Variants in TAFAZZIN observed in about 807,000 individuals in gnomAD.
The protein encoded by TAFAZZIN is tafazzin, phospholipid-lysophospholipid transacylase.
TAFAZZIN carries 6 observed loss-of-function variants against 27.3 expected under a neutral mutation model. The ratio of observed to expected loss-of-function variants is 0.22; its 90% CI spans 0.12 to 0.43. TAFAZZIN has a LOEUF of 0.43. Ranked by LOEUF, TAFAZZIN falls within the 20% of genes least tolerant of loss-of-function variation. The pLI is 1.00. For synonymous variants in TAFAZZIN, 79 were observed against 96.2 expected (o/e 0.82, Z 1.04); for missense variants, 127 against 244.5 (o/e 0.52, Z 3.21).
intron 3 of TAFAZZIN, 34 bp downstream of exon 3, chrX:154,413,286 G>C: frequency 8.3e-7 from 1 of 1,208,497 alleles, no homozygotes; most frequent in Non-Finnish European, 1.1e-6. Flanking sequence ...AGTGGGCCGG[G>C]CCGGCCCCAC....
Position 154,420,700 on chromosome X carries a change from G to A in TAFAZZIN, c.742G>A (p.Val248Ile), listed in dbSNP as rs1557194361. 3.3e-6 allele frequency: 4 copies of A among 1,209,267 alleles called. No homozygotes were observed. Among genetic ancestry groups the A allele is most frequent in the African/African-American group, 1.8e-5 (1 of 56,922 alleles). The change falls in exon 10 of 11, where the codon GTA becomes ATA. Residue 248 changes from valine to isoleucine, a missense_variant. Val to Ile is a conservative substitution (Grantham distance 29). Coordinates refer to ENST00000601016, the MANE Select transcript of TAFAZZIN (RefSeq NM_000116.5). The stretch of plus-strand genomic sequence containing the variant: ...CGGGAAGCCCTTCAGTGCCCTGCCT[G>A]TACTCGAGCGGCTCCGGGCGGAGAA... Reference protein sequence around the residue: ...LIGKPFSALPVLERLRAENKS... With the variant: ...LIGKPFSALPILERLRAENKS...
intron 5 of TAFAZZIN, 45 bp downstream of exon 5, chrX:154,414,235 T>A: frequency 9.0e-7 from 1 of 1,106,630 alleles, no homozygotes; most frequent in Non-Finnish European, 1.2e-6. Flanking sequence ...CAGCACTTTG[T>A]GAGGTCGAGG....
At chrX:154,414,787 G>A (rs1169674748) in intron 5 of TAFAZZIN, among the ~76,000 whole-genome samples, 3 of 109,046 alleles carry the variant, frequency 2.8e-5, no homozygotes, top group Non-Finnish European at 3.8e-5. Flanking sequence ...TCAGGAATTC[G>A]AGACCAGCCT....
intron 5 of TAFAZZIN, among the ~76,000 whole-genome samples, chrX:154,416,220 A>C (rs963248703): frequency 1.4e-4 from 16 of 112,073 alleles, no homozygotes; most frequent in Non-Finnish European, 2.6e-4. Context: ...TAACAGGATG[A>C]AACCCCGTCT....
intron 4 of TAFAZZIN, chrX:154,413,781 T>C (rs2068398782): frequency 2.2e-6 from 1 of 448,461 alleles, no homozygotes; most frequent in Admixed American, 3.9e-5. Context: ...CCAGGGATCC[T>C]GTGGACCTGG....
At chrX:154,414,989 GGA>G (rs1569552783) in intron 5 of TAFAZZIN, among the ~76,000 whole-genome samples, 2 of 91,830 alleles carry the variant, frequency 2.2e-5, no homozygotes, top group Non-Finnish European at 2.2e-5. Flanking sequence ...AACTCCGTCT[GGA>G]AAAAAAAAAA....
At chrX:154,419,391 C>T (rs1380989462) in intron 5 of TAFAZZIN, 152 bp from the exon 6 acceptor site, 1 of 570,777 alleles carries the variant, frequency 1.8e-6, no homozygotes, top group Non-Finnish European at 2.9e-6. Context: ...GCTTTCCCAG[C>T]AAGCAGGGAC....
At chrX:154,415,716 A>G (rs2068468027) in intron 5 of TAFAZZIN, among the ~76,000 whole-genome samples, 1 of 103,094 alleles carries the variant, frequency 9.7e-6, no homozygotes, top group South Asian at 4.4e-4. Context: ...AACCCTGTCT[A>G]CTAAAAATAC....
chrX:154,415,947 T>G (rs2068477236), intron 5 of TAFAZZIN, among the ~76,000 whole-genome samples: 1 of 104,487 alleles, frequency 9.6e-6, no homozygotes, highest in African/African-American at 3.5e-5. Context: ...GGTGGTGACA[T>G]GCTTGTATCT....
At chrX:154,415,897 A>AAG (rs2068475762) in intron 5 of TAFAZZIN, among the ~76,000 whole-genome samples, 2 of 108,097 alleles carry the variant, frequency 1.9e-5, no homozygotes, top group Admixed American at 2.0e-4. Context: ...AAAAAAAAAA[A>AAG]AAAAAAAGAT....
At chrX:154,419,649 C>T (rs1455569016) in intron 6 of TAFAZZIN, 26 bp downstream of exon 6, 1 of 1,211,805 alleles carries the variant, frequency 8.3e-7, no homozygotes, top group African/African-American at 1.7e-5. Context: ...TGGGTCGAGC[C>T]CCCCCAGTAT....
intron 5 of TAFAZZIN, chrX:154,419,083 A>G (rs1557193636): frequency 6.7e-6 from 1 of 150,162 alleles, no homozygotes; most frequent in Non-Finnish European, 1.3e-5. Flanking sequence ...CTGGCTGGGG[A>G]GGGAGGGCAG....
chrX:154,411,747 CAG>C lies in TAFAZZIN; in HGVS notation c.-96_-95del, dbSNP rs2068300460. The C allele has an allele frequency of 3.6e-6, 3 of 842,962 alleles. No individual in the cohort carries two copies. In the South Asian group the frequency reaches 6.5e-5, roughly 18 times the overall value. The allele number at this position is 842,962 out of a possible 1,213,427, so 69.5% of individuals were successfully genotyped here. A position where few individuals can be genotyped will look rare whatever the true frequency, so the allele number is the denominator to read the frequency against. ...CCCGTCCGTCCGTGCGCGGGCCAGT[CAG>C]GGGCCAGTGTCTCGAGCGGTCGAGG... is the stretch of plus-strand genomic sequence containing the variant. On this transcript the variant is annotated 5_prime_UTR_variant, in exon 1 of 11. Transcript: ENST00000601016.
chrX:154,420,880 C>T (rs1337267556), intron 10 of TAFAZZIN, 23 bp from the exon 11 acceptor site: 1 of 1,201,553 alleles, frequency 8.3e-7, no homozygotes, highest in Non-Finnish European at 1.1e-6. Flanking sequence ...GGGGTGCAGG[C>T]CATCCCTGGT....
In TAFAZZIN at chrX:154,421,704, A is replaced by G. The variant is rs1557195013; in HGVS notation, c.*700A>G. The G allele has an allele frequency of 3.0e-6, 1 of 329,595 alleles. No individual in the cohort carries two copies. The allele number at this position is 329,595 out of a possible 1,213,427, so 27.2% of individuals were successfully genotyped here. A position where few individuals can be genotyped will look rare whatever the true frequency, so the allele number is the denominator to read the frequency against. ...TGTTTTTGAAACAGAACCATAAAGC[A>G]TATGTGTTGGCTTGTTGTAAAATGT... On this transcript the variant is annotated 3_prime_UTR_variant, in exon 11 of 11. Coordinates refer to ENST00000601016, the MANE Select transcript of TAFAZZIN (RefSeq NM_000116.5).
intron 4 of TAFAZZIN, chrX:154,413,819 A>C: frequency 2.3e-6 from 1 of 444,286 alleles, no homozygotes; most frequent in Non-Finnish European, 3.9e-6. Context: ...TCAAGGAGGC[A>C]TTATCCATAA....
rs782436325 is a variant in TAFAZZIN at position 154,420,194 on chromosome X, C to G, written c.647-18C>G. ...CCTGCTCCACCCCACGTCTGGCCTT[C>G]TGTCCACTGTGCTGCAGGAATGAAT... On this transcript the variant is annotated intron_variant, in intron 8 of 10. Coordinates refer to ENST00000601016, the MANE Select transcript of TAFAZZIN (RefSeq NM_000116.5). 2.5e-6 allele frequency: 3 copies of G among 1,211,792 alleles called. No homozygotes were observed. Among genetic ancestry groups the G allele is most frequent in the Non-Finnish European group, 1.1e-6 (1 of 895,422 alleles).
chrX:154,413,285 G>A, intron 3 of TAFAZZIN, 33 bp downstream of exon 3: 1 of 1,208,844 alleles, frequency 8.3e-7, no homozygotes, highest in Non-Finnish European at 1.1e-6. Flanking sequence ...AAGTGGGCCG[G>A]GCCGGCCCCA....
chrX:154,411,608 G>A lies in TAFAZZIN; in HGVS notation c.-236G>A. On this transcript the variant is annotated 5_prime_UTR_variant, in exon 1 of 11. Transcript: ENST00000601016. ...CCCGTTTCCTCCCGTTCCGCAGCGC[G>A]CCCACGGCCTGTGACCCCGGCGACC... 2.2e-6 allele frequency: 1 copy of A among 446,328 alleles called. No homozygotes were observed. The highest frequency in any genetic ancestry group is 4.0e-6 in the Non-Finnish European group (1 of 247,926). The allele number at this position is 446,328 out of a possible 1,213,427, so 36.8% of individuals were successfully genotyped here.
Sources: allele counts gnomAD v4.1 joint callset (sites outside exome capture counted in the v4.1 genomes callset), GRCh38; gene constraint gnomAD v4.1.1; transcripts MANE v1.5; gene names NCBI Gene and HGNC (gene_info 2026-07-23, HGNC 2026-07-21).